The following HERC4 variants were observed in gnomAD, a reference collection of about 807,000 sequenced individuals.
HERC4 encodes the protein HECT and RLD domain containing E3 ubiquitin protein ligase 4, also known as probable E3 ubiquitin-protein ligase HERC4.
A neutral mutation model predicts 124.3 loss-of-function variants in HERC4; 28 were observed. The observed-to-expected ratio is 0.23, with a 90% CI of 0.17 to 0.31. The LOEUF (loss-of-function observed/expected upper bound fraction) is 0.31. HERC4 is among the 10% of genes least tolerant of loss of function. HERC4 has a pLI of 1.00. For missense variants in HERC4, 713 were observed against 1,229.3 expected (o/e 0.58, Z 6.28); for synonymous variants, 407 against 421.5 (o/e 0.97, Z 0.42).
At chr10:68,015,076 A>G (rs1398809242) in intron 8 of HERC4, among the ~76,000 whole-genome samples, 1 of 152,196 alleles carries the variant, frequency 6.6e-6, no homozygotes, top group East Asian at 1.9e-4. Context: ...CTCTTTCTCC[A>G]TGTCTTAAAT....
intron 13 of HERC4, among the ~76,000 whole-genome samples, chr10:67,990,669 T>C (rs551548828): frequency 2.6e-5 from 4 of 152,210 alleles, no homozygotes; most frequent in Admixed American, 2.6e-4. Context: ...TCTATAACCA[T>C]ACACAAACTT....
intron 15 of HERC4, among the ~76,000 whole-genome samples, chr10:67,984,828 C>T (rs968353013): frequency 6.6e-6 from 1 of 152,174 alleles, no homozygotes; most frequent in African/African-American, 2.4e-5. Context: ...AAGTGATCCA[C>T]CGGCCTCAGC....
chr10:68,061,532 CAAAAAAAAAAAAAAAAA>C (rs59169970), intron 3 of HERC4, among the ~76,000 whole-genome samples: 3 of 14,000 alleles, frequency 2.1e-4, no homozygotes, highest in Non-Finnish European at 1.4e-4. Flanking sequence ...GACTCCGTCT[CAAAAAAAAAAAAAAAAA>C]AAAAAAAAAA....
chr10:67,961,214 T>A (rs1350205768), intron 16 of HERC4: 1 of 158,954 alleles, frequency 6.3e-6, no homozygotes, highest in Non-Finnish European at 1.4e-5. Context: ...TCCTCAGTAG[T>A]CAGCTTGAAT....
At chr10:67,957,024 C>T (rs779458914) in intron 16 of HERC4, 48 bp from the exon 17 acceptor site, 1 of 1,069,500 alleles carries the variant, frequency 9.4e-7, no homozygotes. Flanking sequence ...TTGTGATATA[C>T]TTACTGTGGA....
chr10:67,955,928 G>C (rs1162549050), intron 17 of HERC4: 1 of 152,072 alleles, frequency 6.6e-6, no homozygotes, highest in Non-Finnish European at 1.5e-5. Context: ...TTCTCCCTGA[G>C]TTCTTGTTCT....
chr10:68,063,428 T>G (rs1021090961), intron 3 of HERC4, among the ~76,000 whole-genome samples: 11 of 152,126 alleles, frequency 7.2e-5, no homozygotes, highest in Admixed American at 2.0e-4. Flanking sequence ...CAGGCTGGTC[T>G]TGAACTCCTG....
chr10:67,991,210 T>TA lies in HERC4; in HGVS notation c.1272-12dup. 1 of 1,490,188 alleles carries TA rather than the reference T, an allele frequency of 6.7e-7. No individual in the cohort carries two copies. Among genetic ancestry groups the TA allele is most frequent in the Non-Finnish European group, 9.0e-7 (1 of 1,110,744 alleles). 92.3% of individuals were successfully genotyped at this position (1,490,188 alleles called of 1,614,324 possible). Reference sequence around the variant, plus strand: ...GTTCCATCTATCTCACTAAAAAATTTAAAAAAGTTTTTTTAATCATAGAAT... The same window carrying TA: ...GTTCCATCTATCTCACTAAAAAATTTAAAAAAAGTTTTTTTAATCATAGAAT... On this transcript the variant is annotated splice_polypyrimidine_tract_variant and intron_variant, in intron 11 of 24. Coordinates refer to ENST00000373700, the MANE Select transcript of HERC4 (RefSeq NM_015601.4).
At chr10:67,931,462 C>CA (rs2031797712) in intron 23 of HERC4, among the ~76,000 whole-genome samples, 1 of 151,578 alleles carries the variant, frequency 6.6e-6, no homozygotes. Context: ...TTGGCTAGGG[C>CA]TTTTTTTTGG....
At position 67,992,618 on chromosome 10, in the gene HERC4, G is replaced by T; in HGVS notation, c.1134C>A (p.Tyr378Ter). The change falls in exon 10 of 25, where the codon TAC becomes TAA. Residue 378 changes from tyrosine (Y) to a stop codon, truncating the protein, a stop_gained. Transcript: ENST00000373700. LOFTEE classifies it high-confidence loss of function. ...FSGGDQSFSHYSSPQNCGPPD... is the reference protein window; with the variant it reads ...FSGGDQSFSH ...ACTATATTATTACCTGGGGACTAGA[G>T]TAATGTGAAAAGCTTTGATCTCCCC... is the stretch of plus-strand genomic sequence containing the variant. 2 of 1,519,510 alleles carry T rather than the reference G, an allele frequency of 1.3e-6. No individual in the cohort carries two copies. Among genetic ancestry groups the T allele is most frequent in the Admixed American group, 1.8e-5 (1 of 56,232 alleles). The allele number at this position is 1,519,510 out of a possible 1,614,324, so 94.1% of individuals were successfully genotyped here. A position where few individuals can be genotyped will look rare whatever the true frequency, so the allele number is the denominator to read the frequency against.
chr10:67,958,882 T>C (rs925287618), intron 16 of HERC4, among the ~76,000 whole-genome samples: 4 of 152,200 alleles, frequency 2.6e-5, no homozygotes, highest in African/African-American at 9.6e-5. Flanking sequence ...GCAAATATTG[T>C]TGAGGCATCA....
intron 15 of HERC4, among the ~76,000 whole-genome samples, chr10:67,974,149 CCTTT>C (rs1331803267): frequency 7.0e-6 from 1 of 143,598 alleles, no homozygotes; most frequent in Non-Finnish European, 1.5e-5. Context: ...AACAAGACAA[CCTTT>C]CTTAGTTGAA....
chr10:68,046,070 A>G (rs910965078), intron 3 of HERC4, among the ~76,000 whole-genome samples: 3 of 152,152 alleles, frequency 2.0e-5, no homozygotes, highest in African/African-American at 7.2e-5. Flanking sequence ...AGCTTTTAAA[A>G]AAGTATTTTA....
rs560927588 is a variant in HERC4, at chr10:67,964,566, C to G, written c.1926+2117G>C. Among the ~76,000 whole-genome samples, 4 of 152,064 alleles carry G rather than the reference C, an allele frequency of 2.6e-5. No homozygotes were observed. In the South Asian group the frequency reaches 8.3e-4, roughly 32 times the overall value. Reference sequence around the variant, plus strand: ...ATATAGCTTTCTCATGGATTTCCGTCTTTCATTTCTGTCCCGTTCCCTACA... The same window carrying G: ...ATATAGCTTTCTCATGGATTTCCGTGTTTCATTTCTGTCCCGTTCCCTACA... On this transcript the variant is annotated intron_variant, in intron 16 of 24. Coordinates refer to ENST00000373700, the MANE Select transcript of HERC4 (RefSeq NM_015601.4).
At chr10:67,982,767 G>C (rs551487473) in intron 15 of HERC4, among the ~76,000 whole-genome samples, 1 of 152,232 alleles carries the variant, frequency 6.6e-6, no homozygotes, top group Non-Finnish European at 1.5e-5. Flanking sequence ...AGAAAAAAAT[G>C]CAATAATCCA....
chr10:68,008,390 A>G (rs2037718054), intron 9 of HERC4, among the ~76,000 whole-genome samples: 1 of 152,188 alleles, frequency 6.6e-6, no homozygotes, highest in Non-Finnish European at 1.5e-5. Context: ...TCAGGGCAGC[A>G]GCTTCCCTTC....
In HERC4 at chr10:68,073,074, A is replaced by T; in HGVS notation, c.35T>A (p.Leu12Gln). 1 of 1,613,996 alleles carries T rather than the reference A, an allele frequency of 6.2e-7. No homozygotes were observed. The highest frequency in any genetic ancestry group is 8.5e-7 in the Non-Finnish European group (1 of 1,179,928). The change falls in exon 3 of 25, where the codon CTA becomes CAA. Residue 12 changes from leucine to glutamine, a missense_variant. Transcript: ENST00000373700. ...TTCTTCATCAATTCCACCCAAACCTAGCTGCCCAAAGGATGCATTTCCCCA... is the reference window on the plus strand; with the variant it reads ...TTCTTCATCAATTCCACCCAAACCTTGCTGCCCAAAGGATGCATTTCCCCA... ...LCWGNASFGQ[L>Q]GLGGIDEEIV...
chr10:68,012,846 T>C (rs1435137186), intron 9 of HERC4, among the ~76,000 whole-genome samples: 1 of 152,190 alleles, frequency 6.6e-6, no homozygotes, highest in Non-Finnish European at 1.5e-5. Flanking sequence ...CTTTAGTAAT[T>C]CTCGCAATAT....
rs766514516 is a variant in HERC4, at chr10:68,049,590, CAAAA to C, written c.227-5031_227-5028del. 1.1e-3 allele frequency among the ~76,000 whole-genome samples: 45 copies of C among 42,606 alleles called. 1 individual carries two copies. Among genetic ancestry groups the C allele is most frequent in the Middle Eastern group, 0.022 (1 of 46 alleles). 28.0% of individuals were successfully genotyped at this position (42,606 alleles called of 152,430 possible). On this transcript the variant is annotated intron_variant, in intron 3 of 24. Transcript: ENST00000373700. ...TGGGTGACAGAGTGAGACACTGCCA[CAAAA>C]AAAAAAAAAAAAAAAAAAACACTTT...
Sources: gnomAD v4.1 joint callset for allele counts (sites outside exome capture counted in the v4.1 genomes callset) on GRCh38, gnomAD v4.1.1 for gene constraint, MANE v1.5 for transcripts, NCBI Gene and HGNC (gene_info 2026-07-23, HGNC 2026-07-21) for gene names.